The following CCDC92B variants were observed in gnomAD, a reference collection of about 807,000 sequenced individuals.
The protein encoded by CCDC92B is coiled-coil domain-containing 92B.
CCDC92B carries 2 observed loss-of-function variants against 5.6 expected under a neutral mutation model. The ratio of observed to expected loss-of-function variants is 0.36; its 90% CI spans 0.15 to 1.12. The LOEUF is 1.12. Among genes scored for constraint, CCDC92B ranks in the 50% most tolerant of loss-of-function variants. The pLI, the probability that CCDC92B is intolerant of heterozygous loss-of-function variation, is 0.40. For missense variants in CCDC92B, 271 were observed against 262.2 expected (o/e 1.03, Z -0.23); for synonymous variants, 115 against 122.3 (o/e 0.94, Z 0.39).
intron 3 of CCDC92B, among the ~76,000 whole-genome samples, chr17:2,729,238 TC>T (rs377458890): frequency 3.4e-4 from 51 of 152,174 alleles, no homozygotes; most frequent in African/African-American, 1.1e-3. Context: ...CACCTGTACT[TC>T]CAGCACTTTG....
intron 1 of CCDC92B, among the ~76,000 whole-genome samples, chr17:2,741,223 G>A (rs1337057642): frequency 6.6e-6 from 1 of 152,028 alleles, no homozygotes; most frequent in Non-Finnish European, 1.5e-5. Flanking sequence ...TTTACAGAAC[G>A]CTTACTATGT....
chr17:2,724,097 G>GC lies in CCDC92B; in HGVS notation c.*313dup. The GC allele has an allele frequency of 6.1e-6, 6 of 985,390 alleles. No individual in the cohort carries two copies. Among genetic ancestry groups the GC allele is most frequent in the South Asian group, 9.4e-5 (2 of 21,284 alleles). The allele number at this position is 985,390 out of a possible 1,614,324, so 61.0% of individuals were successfully genotyped here. ...GTCGGCTTTCCCGGGGAAGGGCGTG[G>GC]CCCCCGCCCCTCCTGTCTCACAGGC... On this transcript the variant is annotated 3_prime_UTR_variant, in exon 4 of 4. Transcript: ENST00000614400. The surrounding 1 kb of genome is among the most constrained non-coding windows in gnomAD (Gnocchi z 5.0).
intron 1 of CCDC92B, among the ~76,000 whole-genome samples, chr17:2,740,225 G>C (rs1228132822): frequency 1.3e-5 from 2 of 151,964 alleles, no homozygotes; most frequent in African/African-American, 4.8e-5. Context: ...GTGTGGGTGG[G>C]CCTGCGCGTA....
chr17:2,741,985 CAA>C (rs544103814), intron 1 of CCDC92B, among the ~76,000 whole-genome samples: 28 of 73,526 alleles, frequency 3.8e-4, no homozygotes, highest in Non-Finnish European at 1.7e-4. Flanking sequence ...GACTCCATCT[CAA>C]AAAAAAAAAA....
chr17:2,741,766 G>T (rs1478685441), intron 1 of CCDC92B, among the ~76,000 whole-genome samples: 1 of 150,474 alleles, frequency 6.6e-6, no homozygotes, highest in Non-Finnish European at 1.5e-5. Context: ...CTAATTTTTT[G>T]TATTTTTAGT....
At chr17:2,744,078 A>C (rs145091396) in intron 1 of CCDC92B, among the ~76,000 whole-genome samples, 6,127 of 152,156 alleles carry the variant, frequency 0.04, 176 homozygotes, top group East Asian at 0.12. Flanking sequence ...GGGTTTCACC[A>C]TGTTGGCCAG....
intron 3 of CCDC92B, among the ~76,000 whole-genome samples, chr17:2,727,758 A>G (rs2070748272): frequency 2.0e-5 from 3 of 148,942 alleles, no homozygotes; most frequent in African/African-American, 7.4e-5. Flanking sequence ...TGGGAGGCGG[A>G]GGTTGCAGTG....
At chr17:2,735,263 T>G in intron 1 of CCDC92B, 95 bp from the exon 2 acceptor site, 3 of 833,312 alleles carry the variant, frequency 3.6e-6, no homozygotes, top group African/African-American at 1.8e-5. Context: ...CTAGGTCCTG[T>G]TGCCACCAGG....
rs977615264 is a variant in CCDC92B, at chr17:2,724,269, T to C, written c.*142A>G. 5.1e-6 allele frequency: 5 copies of C among 984,992 alleles called. No homozygotes were observed. Among genetic ancestry groups the C allele is most frequent in the Non-Finnish European group, 6.0e-6 (5 of 829,834 alleles). 61.0% of individuals were successfully genotyped at this position (984,992 alleles called of 1,614,324 possible). On this transcript the variant is annotated 3_prime_UTR_variant, in exon 4 of 4. Transcript: ENST00000614400. The surrounding 1 kb of genome is among the most constrained non-coding windows in gnomAD (Gnocchi z 5.0). The stretch of plus-strand genomic sequence containing the variant: ...TACAAAAGGCTGGCGGTTCGGGGAT[T>C]TGGGGGGAGCCGGGGCCGCCTCGCC...
intron 2 of CCDC92B, among the ~76,000 whole-genome samples, chr17:2,734,690 A>G (rs547197480): frequency 2.6e-5 from 4 of 151,908 alleles, no homozygotes; most frequent in Non-Finnish European, 4.4e-5. Context: ...GGGTTTCACC[A>G]TGTTGTCCAG....
At chr17:2,737,746 T>G (rs35787202) in intron 1 of CCDC92B, among the ~76,000 whole-genome samples, 754 of 151,936 alleles carry the variant, frequency 5.0e-3, no homozygotes, top group Middle Eastern at 0.02. Context: ...AAAGTGCTGG[T>G]ATTACGGGCG....
intron 3 of CCDC92B, among the ~76,000 whole-genome samples, chr17:2,725,971 A>G (rs2151736646): frequency 6.9e-6 from 1 of 144,074 alleles, no homozygotes; most frequent in East Asian, 2.1e-4. Flanking sequence ...TTTCCTCCAT[A>G]GGGCATTTTA....
At chr17:2,725,094 C>T (rs1230197683) in intron 3 of CCDC92B, 94 bp from the exon 4 acceptor site, 2 of 985,518 alleles carry the variant, frequency 2.0e-6, no homozygotes, top group African/African-American at 1.7e-5. Flanking sequence ...ACCCCCAGGC[C>T]GGGCGCGGGG....
At chr17:2,743,195 C>T (rs1056833814) in intron 1 of CCDC92B, among the ~76,000 whole-genome samples, 9 of 152,098 alleles carry the variant, frequency 5.9e-5, no homozygotes, top group African/African-American at 1.9e-4. Context: ...TTTGGGAGGC[C>T]GAGGCGGGAG....
intron 3 of CCDC92B, among the ~76,000 whole-genome samples, chr17:2,727,662 A>G (rs1434342581): frequency 6.6e-6 from 1 of 152,146 alleles, no homozygotes; most frequent in African/African-American, 2.4e-5. Flanking sequence ...CGTCTCTACT[A>G]AAAATACAAA....
At position 2,749,435 on chromosome 17, in the gene CCDC92B, C is replaced by T. The variant is rs911760160; in HGVS notation, c.-48G>A. 1.3e-5 allele frequency: 2 copies of T among 151,692 alleles called. No individual in the cohort carries two copies. The highest frequency in any genetic ancestry group is 1.3e-4 in the Admixed American group (2 of 15,248). 9.4% of individuals were successfully genotyped at this position (151,692 alleles called of 1,614,324 possible). ...CCTTCGGGACCTGGGAGTCACCGGC[C>T]GGCGGGGCCCTGGGTCCGGGCCGGG... On this transcript the variant is annotated 5_prime_UTR_variant, in exon 1 of 4. Transcript: ENST00000614400.
intron 1 of CCDC92B, among the ~76,000 whole-genome samples, chr17:2,746,710 G>T (rs993772167): frequency 6.6e-6 from 1 of 152,040 alleles, no homozygotes; most frequent in Non-Finnish European, 1.5e-5. Flanking sequence ...CTCCTCTGTC[G>T]CCCAGGCTGG....
rs1317798288 is a variant in CCDC92B at position 2,734,011 on chromosome 17, C to T, written c.130+1005G>A. Among the ~76,000 whole-genome samples the T allele has an allele frequency of 7.9e-5, 12 of 152,114 alleles. No individual in the cohort carries two copies. The East Asian group carries it at 1.7e-3, about 22-fold the overall frequency. On this transcript the variant is annotated intron_variant, in intron 2 of 3. Transcript: ENST00000614400. Reference sequence around the variant, plus strand: ...CTGACCTCAGGTGATCCACCCACCTCGGCCTCCCAAAGTGCTGGGATTACA... The same window carrying T: ...CTGACCTCAGGTGATCCACCCACCTTGGCCTCCCAAAGTGCTGGGATTACA...
chr17:2,733,378 GCCTC>G lies in CCDC92B; in HGVS notation c.130+1634_130+1637del, dbSNP rs1205789897. On this transcript the variant is annotated intron_variant, in intron 2 of 3. Coordinates refer to ENST00000614400, the MANE Select transcript of CCDC92B (RefSeq NM_001355573.2). ...AGGTTCAAGCGATTCTCCTGCCTCA[GCCTC>G]CCTAATAGCTGGGATTACAGGCATG... Among the ~76,000 whole-genome samples the G allele has an allele frequency of 3.3e-5, 5 of 151,502 alleles. No individual in the cohort carries two copies. The East Asian group carries it at 9.9e-4, about 30-fold the overall frequency.
Sources: allele counts gnomAD v4.1 joint callset (sites outside exome capture counted in the v4.1 genomes callset), GRCh38; gene constraint gnomAD v4.1.1; non-coding constraint Gnocchi (gnomAD v3.1); transcripts MANE v1.5; gene names NCBI Gene and HGNC (gene_info 2026-07-23, HGNC 2026-07-21).